Variants in KIAA0586 observed in about 807,000 individuals in gnomAD.
KIAA0586 encodes the protein KIAA0586, also known as protein TALPID3.
In KIAA0586, 144 loss-of-function variants were observed where a neutral mutation model predicts 169.8. The observed-to-expected ratio is 0.85, with a 90% CI of 0.74 to 0.97. KIAA0586 has a LOEUF of 0.97. Ranked by LOEUF, KIAA0586 falls within the 50% of genes least tolerant of loss-of-function variation. KIAA0586 has a pLI of 0.00. For synonymous variants in KIAA0586, 625 were observed against 612.4 expected (o/e 1.02, Z -0.30); for missense variants, 1,854 against 1,823.0 (o/e 1.02, Z -0.31).
At chr14:58,561,088 T>A in the KIAA0586 span, among the ~76,000 whole-genome samples, 1 of 152,214 alleles carries the variant, frequency 6.6e-6, no homozygotes, top group African/African-American at 2.4e-5. Flanking sequence ...ATTTTCCAAG[T>A]GCTAAAGTTG....
Position 58,492,617 on chromosome 14 carries a change from G to A in KIAA0586, c.3990+342G>A, listed in dbSNP as rs182070615. Among the ~76,000 whole-genome samples, 20 of 152,332 alleles carry A rather than the reference G, an allele frequency of 1.3e-4. No homozygotes were observed. In the East Asian group the frequency reaches 3.7e-3, roughly 28 times the overall value. ...CTACCTTTAAGCAGCTTACAGTCAT[G>A]TAGGAAGATAAGGGCTTACACAAGT... On this transcript the variant is annotated intron_variant, in intron 26 of 30. Transcript: ENST00000652326.
chr14:58,467,959 G>GA, intron 16 of KIAA0586, 37 bp downstream of exon 16: 1 of 1,478,714 alleles, frequency 6.8e-7, no homozygotes, highest in Non-Finnish European at 9.0e-7. Flanking sequence ...TTTTAAGGAA[G>GA]AAAAAATTTT....
chr14:58,503,145 T>C (rs2043693845), intron 27 of KIAA0586, among the ~76,000 whole-genome samples: 1 of 152,220 alleles, frequency 6.6e-6, no homozygotes, highest in Non-Finnish European at 1.5e-5. Context: ...TACTACCAAC[T>C]ACAGCTTTTT....
At chr14:58,477,748 TCTC>T (rs756553935) in intron 20 of KIAA0586, among the ~76,000 whole-genome samples, 5 of 152,106 alleles carry the variant, frequency 3.3e-5, no homozygotes, top group Non-Finnish European at 5.9e-5. Context: ...GCCCTTCTCT[TCTC>T]CATTTTTTTC....
At chr14:58,471,127 A>C (rs1235342941) in intron 17 of KIAA0586, among the ~76,000 whole-genome samples, 11 of 152,216 alleles carry the variant, frequency 7.2e-5, no homozygotes, top group Admixed American at 7.2e-4. Context: ...CGGGAATTAC[A>C]GGCGTGAGCC....
Position 58,432,688 on chromosome 14 carries a change from C to G in KIAA0586, c.410+231C>G, listed in dbSNP as rs183527882. Among the ~76,000 whole-genome samples, 423 of 152,262 alleles carry G rather than the reference C, an allele frequency of 2.8e-3. 4 individuals are homozygous for G. Among genetic ancestry groups the G allele is most frequent in the African/African-American group, 9.7e-3 (405 of 41,558 alleles). Reference sequence around the variant, plus strand: ...TTAACACACTTATAAAATAGATTTACTATCCCAATTTTATAGAATCCCCAT... The same window carrying G: ...TTAACACACTTATAAAATAGATTTAGTATCCCAATTTTATAGAATCCCCAT... On this transcript the variant is annotated intron_variant, in intron 4 of 30. Transcript: ENST00000652326.
At position 58,495,498 on chromosome 14, in the gene KIAA0586, A is replaced by G. The variant is rs572848722; in HGVS notation, c.3990+3223A>G. Among the ~76,000 whole-genome samples, 7 of 151,978 alleles carry G rather than the reference A, an allele frequency of 4.6e-5. No individual in the cohort carries two copies. In the South Asian group the frequency reaches 1.0e-3, roughly 23 times the overall value. The stretch of plus-strand genomic sequence containing the variant: ...TTTTTTGCAGAGACGGGGTCTCACT[A>G]TGTTGGCTAGGCTGATCTCCAACTT... On this transcript the variant is annotated intron_variant, in intron 26 of 30. Coordinates refer to ENST00000652326, the MANE Select transcript of KIAA0586 (RefSeq NM_001329943.3).
In KIAA0586 at chr14:58,487,176, TTATTTC is replaced by T. The variant is rs752891714; in HGVS notation, c.3304+14_3304+19del. On this transcript the variant is annotated intron_variant, in intron 22 of 30. Coordinates refer to ENST00000652326, the MANE Select transcript of KIAA0586 (RefSeq NM_001329943.3). ...ATATGTGCTGAAAAAGGTAGAAACTTTATTTCTATAACTCGGTTTTAATTTTAGCAA... is the reference window on the plus strand; with the variant it reads ...ATATGTGCTGAAAAAGGTAGAAACTTTATAACTCGGTTTTAATTTTAGCAA... 1.9e-6 allele frequency: 3 copies of T among 1,603,858 alleles called. No individual in the cohort carries two copies. Among genetic ancestry groups the T allele is most frequent in the South Asian group, 1.1e-5 (1 of 89,632 alleles).
intron 21 of KIAA0586, among the ~76,000 whole-genome samples, chr14:58,484,604 T>A (rs1468989113): frequency 1.3e-5 from 2 of 151,656 alleles, no homozygotes; most frequent in African/African-American, 4.8e-5. Flanking sequence ...CCTTTCATCA[T>A]GATGAGTTAT....
chr14:58,445,292 G>A (rs909425557), intron 6 of KIAA0586, among the ~76,000 whole-genome samples: 2 of 152,016 alleles, frequency 1.3e-5, no homozygotes, highest in Non-Finnish European at 2.9e-5. Context: ...GTACATGTTT[G>A]CTTTTGCATT....
At chr14:58,505,950 G>T (rs1184091618) in intron 27 of KIAA0586, among the ~76,000 whole-genome samples, 1 of 151,860 alleles carries the variant, frequency 6.6e-6, no homozygotes, top group East Asian at 1.9e-4. Flanking sequence ...TGCTTTCATG[G>T]CTTGATTATG....
rs117672159 is a variant in KIAA0586, at chr14:58,429,836, T to G, written c.270+403T>G. Among the ~76,000 whole-genome samples the G allele has an allele frequency of 3.9e-5, 6 of 152,312 alleles. No individual in the cohort carries two copies. In the East Asian group the frequency reaches 1.2e-3, roughly 29 times the overall value. On this transcript the variant is annotated intron_variant, in intron 2 of 30. Transcript: ENST00000652326. ...AACACTTGTGAGAATGGTTTTGGTT[T>G]TCTTAGAAGGGAGGTTCTTTAAGAA...
chr14:58,556,243 C>A (rs2140176586), downstream of KIAA0586, among the ~76,000 whole-genome samples: 1 of 152,322 alleles, frequency 6.6e-6, no homozygotes, highest in South Asian at 2.1e-4. Flanking sequence ...CTTGGGCAGA[C>A]TGAACATTAG....
chr14:58,460,183 T>G, intron 13 of KIAA0586, 113 bp downstream of exon 13: 1 of 646,966 alleles, frequency 1.5e-6, no homozygotes, highest in Non-Finnish European at 2.6e-6. Context: ...TGAAGGACTA[T>G]ACAAATGTAA....
At position 58,549,466 on chromosome 14, in the gene KIAA0586, T is replaced by G. The variant is rs986051399; in HGVS notation, c.*1534T>G. 4 of 152,186 alleles carry G rather than the reference T, an allele frequency of 2.6e-5. No individual in the cohort carries two copies. The East Asian group carries it at 7.7e-4, about 29-fold the overall frequency. The allele number at this position is 152,186 out of a possible 1,614,324, so 9.4% of individuals were successfully genotyped here. A position where few individuals can be genotyped will look rare whatever the true frequency, so the allele number is the denominator to read the frequency against. The stretch of plus-strand genomic sequence containing the variant: ...ATTGCCTGGGGATTTTTTTTCTCAC[T>G]GAACATAGAAGCTGCAAGAGTCTAT... On this transcript the variant is annotated 3_prime_UTR_variant, in exon 31 of 31. Coordinates refer to ENST00000652326, the MANE Select transcript of KIAA0586 (RefSeq NM_001329943.3).
At chr14:58,484,892 A>ATATATATATTTATATATATTTT (rs1477147628) in intron 21 of KIAA0586, among the ~76,000 whole-genome samples, 27 of 7,110 alleles carry the variant, frequency 3.8e-3, no homozygotes, top group Non-Finnish European at 4.6e-3. Context: ...ATATATATTT[A>ATATATATATTTATATATATTTT]TATATATATA....
At chr14:58,434,809 C>T (rs756785649) in intron 4 of KIAA0586, among the ~76,000 whole-genome samples, 1 of 152,094 alleles carries the variant, frequency 6.6e-6, no homozygotes, top group Admixed American at 6.6e-5. Context: ...CTCGCTCTGT[C>T]ACCCAGGCTG....
At chr14:58,501,634 A>G (rs1249254030) in intron 27 of KIAA0586, among the ~76,000 whole-genome samples, 4 of 152,052 alleles carry the variant, frequency 2.6e-5, no homozygotes, top group Non-Finnish European at 5.9e-5. Flanking sequence ...AATAAGTAAT[A>G]TGGTATAACA....
At chr14:58,503,702 A>C (rs1018433281) in intron 27 of KIAA0586, among the ~76,000 whole-genome samples, 2 of 151,772 alleles carry the variant, frequency 1.3e-5, no homozygotes, top group African/African-American at 4.8e-5. Context: ...TTCATAGATG[A>C]GGGAAGTCTT....
Sources: allele counts gnomAD v4.1 joint callset (sites outside exome capture counted in the v4.1 genomes callset), GRCh38; gene constraint gnomAD v4.1.1; transcripts MANE v1.5; gene names NCBI Gene and HGNC (gene_info 2026-07-23, HGNC 2026-07-21).